The following MAN2A1 variants were observed in gnomAD, a reference collection of about 807,000 sequenced individuals.
MAN2A1 encodes alpha-mannosidase 2.
A neutral mutation model predicts 142.6 loss-of-function variants in MAN2A1; 76 were observed. The observed-to-expected ratio is 0.53, with a 90% CI of 0.44 to 0.65. The LOEUF is 0.65. MAN2A1 is among the 30% of genes least tolerant of loss of function. The pLI is 0.00. For missense variants in MAN2A1, 1,311 were observed against 1,365.1 expected (o/e 0.96, Z 0.62); for synonymous variants, 559 against 473.2 (o/e 1.18, Z -2.35).
At chr5:109,761,774 GA>G (rs1270359236) in intron 5 of MAN2A1, among the ~76,000 whole-genome samples, 1 of 152,000 alleles carries the variant, frequency 6.6e-6, no homozygotes, top group Non-Finnish European at 1.5e-5. Flanking sequence ...CCTAGGCTTA[GA>G]GGGGTCTTTT....
intron 16 of MAN2A1, among the ~76,000 whole-genome samples, chr5:109,837,889 A>G (rs1380875582): frequency 6.6e-6 from 1 of 152,082 alleles, no homozygotes; most frequent in Non-Finnish European, 1.5e-5. Context: ...CTTTCCTCCC[A>G]TGTCAGCTAA....
chr5:109,698,323 C>T (rs1424679485), intron 1 of MAN2A1, among the ~76,000 whole-genome samples: 1 of 152,216 alleles, frequency 6.6e-6, no homozygotes, highest in African/African-American at 2.4e-5. Flanking sequence ...TTCTGCTTAT[C>T]AAAGAGCAGT....
rs201422046 is a variant in MAN2A1 at position 109,781,217 on chromosome 5, T to TA, written c.1375-170dup. Among the ~76,000 whole-genome samples the TA allele has an allele frequency of 1.3e-3, 194 of 151,318 alleles. 1 individual carries two copies. The highest frequency in any genetic ancestry group is 0.01 in the Middle Eastern group (3 of 294). ...AGTTTAATTTGGGCCTTAATGTAAG[T>TA]AAAAAAAAAGTCACTATTATTTTCT... On this transcript the variant is annotated intron_variant, in intron 8 of 21. Transcript: ENST00000261483.
Position 109,767,624 on chromosome 5 carries a change from A to T in MAN2A1, c.925A>T (p.Met309Leu), listed in dbSNP as rs374080048. 4 of 1,613,680 alleles carry T rather than the reference A, an allele frequency of 2.5e-6. No individual in the cohort carries two copies. Among genetic ancestry groups the T allele is most frequent in the Non-Finnish European group, 3.4e-6 (4 of 1,179,772 alleles). Reference sequence around the variant, plus strand: ...TCTAAACCGTGCTGGACTTTCTCACATGCTTATCCAGAGAGTTCATTATGC... The same window carrying T: ...TCTAAACCGTGCTGGACTTTCTCACTTGCTTATCCAGAGAGTTCATTATGC... ...YLLNRAGLSH[M>L]LIQRVHYAVK... is the part of the protein sequence containing the mutation. Residue 309 changes from methionine to leucine, a missense_variant, in exon 6 of 22, where the codon ATG becomes TTG. Met to Leu is a conservative substitution (Grantham distance 15, BLOSUM62 2). Transcript: ENST00000261483.
chr5:109,735,954 A>G (rs1037423666), intron 4 of MAN2A1, among the ~76,000 whole-genome samples: 1 of 133,332 alleles, frequency 7.5e-6, no homozygotes, highest in Non-Finnish European at 1.5e-5. Context: ...AGTGAAGGGT[A>G]TATTTTCTAC....
In MAN2A1 at chr5:109,839,649, CT is replaced by C. The variant is rs34820879; in HGVS notation, c.2567-2659del. ...CAACATAGTGAGGCCCTGTCTCTCT[CT>C]TTTTTTTTTTTTTTTTTTTAAATAA... On this transcript the variant is annotated intron_variant, in intron 16 of 21. Transcript: ENST00000261483. Among the ~76,000 whole-genome samples the C allele has an allele frequency of 7.4e-3, 809 of 109,808 alleles. 5 individuals carry two copies. The highest frequency in any genetic ancestry group is 0.02 in the African/African-American group (657 of 32,642). The allele number at this position is 109,808 out of a possible 152,430, so 72.0% of individuals were successfully genotyped here. A position where few individuals can be genotyped will look rare whatever the true frequency, so the allele number is the denominator to read the frequency against.
Position 109,702,339 on chromosome 5 carries a change from G to C in MAN2A1, c.136-11181G>C, listed in dbSNP as rs1242304198. Reference sequence around the variant, plus strand: ...ATTGTGTGTGTGTGTGTGTGTGTGTGTGTGTGTGTGTGTCTGTGTGTGTAG... The same window carrying C: ...ATTGTGTGTGTGTGTGTGTGTGTGTCTGTGTGTGTGTGTCTGTGTGTGTAG... On this transcript the variant is annotated intron_variant, in intron 1 of 21. Transcript: ENST00000261483. Among the ~76,000 whole-genome samples, 41 of 151,926 alleles carry C rather than the reference G, an allele frequency of 2.7e-4. 1 individual carries two copies. The highest frequency in any genetic ancestry group is 5.9e-5 in the Non-Finnish European group (4 of 67,948).
At chr5:109,717,350 G>C (rs1751485278) in intron 3 of MAN2A1, among the ~76,000 whole-genome samples, 1 of 151,998 alleles carries the variant, frequency 6.6e-6, no homozygotes, top group African/African-American at 2.4e-5. Context: ...TTTTGTGCGT[G>C]TGTGCTGCTT....
chr5:109,838,934 C>A (rs1280231790), intron 16 of MAN2A1, among the ~76,000 whole-genome samples: 1 of 152,032 alleles, frequency 6.6e-6, no homozygotes, highest in Non-Finnish European at 1.5e-5. Context: ...TCATTTTTTC[C>A]TTGAAGCATG....
At chr5:109,704,304 T>C (rs1358948563) in intron 1 of MAN2A1, among the ~76,000 whole-genome samples, 2 of 152,196 alleles carry the variant, frequency 1.3e-5, no homozygotes, top group African/African-American at 2.4e-5. Flanking sequence ...GGGCAAAGAG[T>C]ATATTGCTTC....
At chr5:109,707,566 G>A (rs1751170074) in intron 1 of MAN2A1, among the ~76,000 whole-genome samples, 1 of 152,130 alleles carries the variant, frequency 6.6e-6, no homozygotes, top group Non-Finnish European at 1.5e-5. Context: ...ATAACACTGT[G>A]GAGGAAACAA....
Position 109,713,615 on chromosome 5 carries a change from C to T in MAN2A1, c.231C>T (p.Ile77=). 1 of 1,613,854 alleles carries T rather than the reference C, an allele frequency of 6.2e-7. No individual in the cohort carries two copies. The highest frequency in any genetic ancestry group is 2.2e-5 in the East Asian group (1 of 44,886). Residue 77 remains isoleucine, a synonymous_variant, in exon 2 of 22, where the codon ATC becomes ATT. Transcript: ENST00000261483. ...TCTCAAATATTAGAGACTCAGTCAT[C>T]AATTTGAGTGAGTCTGTGGAGGATG... ...EIISNIRDSV[I]NLSESVEDGP...
chr5:109,780,220 G>T (rs1209537233), intron 8 of MAN2A1, among the ~76,000 whole-genome samples: 1 of 151,600 alleles, frequency 6.6e-6, no homozygotes, highest in African/African-American at 2.4e-5. Context: ...ACCACACCCA[G>T]CTAATTTTTT....
chr5:109,691,090 T>A (rs1489229350), intron 1 of MAN2A1, among the ~76,000 whole-genome samples: 8 of 152,058 alleles, frequency 5.3e-5, no homozygotes, highest in African/African-American at 1.9e-4. Flanking sequence ...TAGATGTGAA[T>A]CTCTAGGTTG....
intron 1 of MAN2A1, among the ~76,000 whole-genome samples, chr5:109,712,622 A>G (rs1338486979): frequency 6.6e-6 from 1 of 152,064 alleles, no homozygotes; most frequent in African/African-American, 2.4e-5. Flanking sequence ...TAAAACCTTA[A>G]TGTGGGTTTT....
intron 7 of MAN2A1, among the ~76,000 whole-genome samples, chr5:109,774,051 A>G (rs886439668): frequency 6.6e-6 from 1 of 152,188 alleles, no homozygotes; most frequent in Non-Finnish European, 1.5e-5. Context: ...GCAGAATACT[A>G]TAATAGAATA....
intron 15 of MAN2A1, among the ~76,000 whole-genome samples, chr5:109,821,154 G>A (rs1338220861): frequency 2.0e-5 from 3 of 152,064 alleles, no homozygotes; most frequent in Non-Finnish European, 4.4e-5. Flanking sequence ...CCAACATTTG[G>A]ATGTATTTCT....
At chr5:109,731,439 C>T (rs2112587081) in intron 4 of MAN2A1, among the ~76,000 whole-genome samples, 1 of 151,036 alleles carries the variant, frequency 6.6e-6, no homozygotes, top group Non-Finnish European at 1.5e-5. Context: ...TATACATGTG[C>T]TATGCTGGTG....
intron 19 of MAN2A1, among the ~76,000 whole-genome samples, chr5:109,851,454 A>G (rs899556637): frequency 1.3e-5 from 2 of 152,132 alleles, no homozygotes; most frequent in African/African-American, 2.4e-5. Flanking sequence ...AATTAATGCC[A>G]TTATCATCGG....
Sources: allele counts gnomAD v4.1 joint callset (sites outside exome capture counted in the v4.1 genomes callset), GRCh38; gene constraint gnomAD v4.1.1; transcripts MANE v1.5; gene names NCBI Gene and HGNC (gene_info 2026-07-23, HGNC 2026-07-21).